Variants in FMR1NB observed in about 807,000 individuals in gnomAD.
FMR1NB encodes FMR1 neighbor, also known as FMR1 neighbor protein.
In FMR1NB, 10 loss-of-function variants were observed where a neutral mutation model predicts 16.8. That is an observed-to-expected ratio of 0.60 (90% CI 0.37 to 1.01). FMR1NB has a LOEUF of 1.01. FMR1NB is among the 50% of genes least tolerant of loss of function. The pLI is 0.01. For missense variants in FMR1NB, 205 were observed against 204.8 expected, an observed-to-expected ratio of 1.00 and a Z score of 0.00; for synonymous variants, 83 against 79.1, an observed-to-expected ratio of 1.05 and a Z score of -0.26.
chrX:147,990,639 T>G (rs782200408), intron 1 of FMR1NB, among the ~76,000 whole-genome samples: 1 of 111,333 alleles, frequency 9.0e-6, no homozygotes, highest in South Asian at 3.7e-4. Context: ...CTTTGAAATA[T>G]AAAACAAATT....
chrX:148,000,245 T>C (rs1316970131), intron 1 of FMR1NB, among the ~76,000 whole-genome samples: 2 of 111,890 alleles, frequency 1.8e-5, no homozygotes, highest in African/African-American at 6.5e-5. Context: ...ACTGTGACCA[T>C]GAAGAAGCAA....
chrX:148,017,991 A>G (rs1406775987), intron 4 of FMR1NB, among the ~76,000 whole-genome samples: 2 of 106,160 alleles, frequency 1.9e-5, no homozygotes, highest in Admixed American at 1.0e-4. Flanking sequence ...ATAGTGCCGC[A>G]ATAAACATAC....
chrX:147,986,189 G>T (rs1410059134), intron 1 of FMR1NB, among the ~76,000 whole-genome samples: 1 of 112,139 alleles, frequency 8.9e-6, no homozygotes, highest in East Asian at 2.8e-4. Context: ...TTGTAAATTT[G>T]TTTAAGCTCC....
intron 4 of FMR1NB, among the ~76,000 whole-genome samples, chrX:148,019,415 T>C: frequency 8.9e-6 from 1 of 112,470 alleles, no homozygotes; most frequent in East Asian, 2.8e-4. Context: ...TGGTGCCTTA[T>C]TTAGTTCATT....
At chrX:148,024,215 G>A in intron 4 of FMR1NB, among the ~76,000 whole-genome samples, 1 of 111,465 alleles carries the variant, frequency 9.0e-6, no homozygotes, top group East Asian at 2.8e-4. Context: ...TGTGACCTTG[G>A]GTGAATTATT....
At chrX:148,023,290 A>G (rs782787974) in intron 4 of FMR1NB, among the ~76,000 whole-genome samples, 1 of 111,591 alleles carries the variant, frequency 9.0e-6, no homozygotes, top group Non-Finnish European at 1.9e-5. Context: ...TAGATAAATC[A>G]TATAAATATA....
chrX:147,996,590 G>T (rs1316608630), intron 1 of FMR1NB, among the ~76,000 whole-genome samples: 1 of 109,544 alleles, frequency 9.1e-6, no homozygotes, highest in Non-Finnish European at 1.9e-5. Context: ...CAGCGGGGAT[G>T]GGGGGGGCGG....
Position 147,981,618 on chromosome X carries a change from C to T in FMR1NB, c.216C>T (p.Leu72=), listed in dbSNP as rs141506256. 5.0e-6 allele frequency: 6 copies of T among 1,207,383 alleles called. No individual in the cohort carries two copies. In the African/African-American group the frequency reaches 8.9e-5, roughly 18 times the overall value. The change falls in exon 1 of 6, where the codon CTC becomes CTT. Residue 72 remains leucine, a synonymous_variant. Coordinates refer to ENST00000370467, the MANE Select transcript of FMR1NB (RefSeq NM_152578.3). ...GGGTCAGCAAACCCTTTGGGATGCTCATGCTCTCCATTTGGATCCTGCTGT... is the reference window on the plus strand; with the variant it reads ...GGGTCAGCAAACCCTTTGGGATGCTTATGCTCTCCATTTGGATCCTGCTGT... ...KMRVSKPFGM[L]MLSIWILLFV...
chrX:148,003,034 T>C (rs2044578541), intron 1 of FMR1NB, among the ~76,000 whole-genome samples, 167 bp from the exon 2 acceptor site: 1 of 112,436 alleles, frequency 8.9e-6, no homozygotes, highest in Admixed American at 9.5e-5. Context: ...CACAACAAAA[T>C]TGCATTCTGA....
At chrX:148,011,223 C>G (rs1156722249) in intron 4 of FMR1NB, among the ~76,000 whole-genome samples, 1 of 110,133 alleles carries the variant, frequency 9.1e-6, no homozygotes, top group African/African-American at 3.3e-5. Context: ...GAGATCGCGT[C>G]ACTGCACTCT....
At chrX:148,021,644 G>A (rs1044902739) in intron 4 of FMR1NB, among the ~76,000 whole-genome samples, 1 of 110,750 alleles carries the variant, frequency 9.0e-6, no homozygotes, top group Admixed American at 9.6e-5. Context: ...CAATCCGGAG[G>A]AATTGCCCCT....
At chrX:147,992,672 C>T (rs1408346343) in intron 1 of FMR1NB, among the ~76,000 whole-genome samples, 4 of 38,279 alleles carry the variant, frequency 1.0e-4, no homozygotes, top group African/African-American at 1.6e-4. Flanking sequence ...GGGTGGTTGC[C>T]AGGCAGAGGG....
Position 148,006,837 on chromosome X carries a change from G to A in FMR1NB, c.533G>A (p.Arg178Lys). The change falls in exon 3 of 6, where the codon AGA (arginine) becomes AAA (lysine). Residue 178 changes from arginine (R) to lysine (K), a missense_variant. Physicochemically the swap from Arg to Lys is conservative, Grantham distance 26. Coordinates refer to ENST00000370467, the MANE Select transcript of FMR1NB (RefSeq NM_152578.3). ...AGCTTCAAATGTTTTGCTCCATTTA[G>A]AGATGGTAAGTTATTCCTCTTTCAT... is the stretch of plus-strand genomic sequence containing the variant. ...TTSFKCFAPF[R>K]DVPKQMMQMF... is the part of the protein sequence containing the mutation. 2.5e-6 allele frequency: 3 copies of A among 1,204,387 alleles called. No individual in the cohort carries two copies. The highest frequency in any genetic ancestry group is 3.4e-6 in the Non-Finnish European group (3 of 892,359).
At position 148,016,783 on chromosome X, in the gene FMR1NB, T is replaced by C. The variant is rs782094770; in HGVS notation, c.632+8072T>C. On this transcript the variant is annotated intron_variant, in intron 4 of 5. Coordinates refer to ENST00000370467, the MANE Select transcript of FMR1NB (RefSeq NM_152578.3). ...GTTTCATCCCCCAATTTTTAAACTTTTTATTGTTTCTGCTTGTATCTTATA... is the reference window on the plus strand; with the variant it reads ...GTTTCATCCCCCAATTTTTAAACTTCTTATTGTTTCTGCTTGTATCTTATA... Among the ~76,000 whole-genome samples the C allele has an allele frequency of 1.1e-3, 123 of 111,540 alleles. 1 individual carries two copies. Among genetic ancestry groups the C allele is most frequent in the Admixed American group, 3.4e-3 (35 of 10,439 alleles).
At chrX:148,008,749 T>C in intron 4 of FMR1NB, 38 bp downstream of exon 4, 1 of 1,080,227 alleles carries the variant, frequency 9.3e-7, no homozygotes, top group Non-Finnish European at 1.3e-6. Context: ...CGTTGCTAAG[T>C]ATACATGAGT....
intron 2 of FMR1NB, 125 bp from the exon 3 acceptor site, chrX:148,006,577 C>T: frequency 1.6e-6 from 1 of 641,014 alleles, no homozygotes; most frequent in Non-Finnish European, 2.3e-6. Flanking sequence ...CTTTTAGCAC[C>T]CATCATTAGC....
At chrX:147,995,389 A>G (rs965410014) in intron 1 of FMR1NB, among the ~76,000 whole-genome samples, 14 of 112,269 alleles carry the variant, frequency 1.2e-4, no homozygotes, top group Non-Finnish European at 3.8e-5. Flanking sequence ...CTTAGATTTA[A>G]TGGTACTGAC....
intron 1 of FMR1NB, among the ~76,000 whole-genome samples, chrX:147,992,303 C>T (rs1325892554): frequency 1.2e-5 from 1 of 86,065 alleles, no homozygotes; most frequent in Non-Finnish European, 2.3e-5. Flanking sequence ...CCCCCCCCAC[C>T]TCCCTCCCAG....
Position 147,981,679 on chromosome X carries a change from G to C in FMR1NB, c.277G>C (p.Gly93Arg), listed in dbSNP as rs782135236. 1 of 1,187,870 alleles carries C rather than the reference G, an allele frequency of 8.4e-7. No homozygotes were observed. The stretch of plus-strand genomic sequence containing the variant: ...CTACCTGTCCTACTACCTGTGCTCC[G>C]GTGAGTGCTGGCTCAGGCCAGGCAG... Reference protein sequence around the residue: ...CYYLSYYLCSGSSYFVLANGH... With the variant: ...CYYLSYYLCSRSSYFVLANGH... The change falls in exon 1 of 6, where the codon GGG becomes CGG. Residue 93 changes from glycine to arginine, a missense_variant and splice_region_variant. Physicochemically the swap from Gly to Arg is moderately radical, Grantham distance 125. Transcript: ENST00000370467.
Sources: gnomAD v4.1 joint callset for allele counts (sites outside exome capture counted in the v4.1 genomes callset) on GRCh38, gnomAD v4.1.1 for gene constraint, MANE v1.5 for transcripts, NCBI Gene and HGNC (gene_info 2026-07-23, HGNC 2026-07-21) for gene names.